The following FGFR2 variants were observed in gnomAD, a reference collection of about 807,000 sequenced individuals.
FGFR2 encodes the protein fibroblast growth factor receptor 2, also known as BEK fibroblast growth factor receptor.
A neutral mutation model predicts 95.9 loss-of-function variants in FGFR2; 19 were observed. The ratio of observed to expected loss-of-function variants is 0.20; its 90% confidence interval spans 0.14 to 0.29. The LOEUF is 0.29. Among genes scored for constraint, FGFR2 ranks in the 10% least tolerant of loss-of-function variants. The pLI is 1.00. For missense variants in FGFR2, 707 were observed against 1,056.9 expected (o/e 0.67, Z 4.59); for synonymous variants, 392 against 393.3 (o/e 1.00, Z 0.04).
intron 6 of FGFR2, 44 bp downstream of exon 6, chr10:121,538,548 A>T: frequency 6.2e-7 from 1 of 1,614,114 alleles, no homozygotes; most frequent in Non-Finnish European, 8.5e-7. Context: ...GTCAAGCAAG[A>T]ATGGGCTGGT....
In FGFR2 at chr10:121,540,525, G is replaced by A. The variant is rs41295499; in HGVS notation, c.625-1810C>T. Among the ~76,000 whole-genome samples, 884 of 152,214 alleles carry A rather than the reference G, an allele frequency of 5.8e-3. 8 individuals are homozygous for A. The highest frequency in any genetic ancestry group is 0.019 in the African/African-American group (804 of 41,532). On this transcript the variant is annotated intron_variant, in intron 5 of 17. Coordinates refer to ENST00000358487, the MANE Select transcript of FGFR2 (RefSeq NM_000141.5). Reference sequence around the variant, plus strand: ...ATCCTGGATCCCTGGGTGCTACAACGGCATCGTTATGCTAAGAGCATGGGA... The same window carrying A: ...ATCCTGGATCCCTGGGTGCTACAACAGCATCGTTATGCTAAGAGCATGGGA...
At chr10:121,480,336 A>C (rs902403658) in intron 17 of FGFR2, 4 of 451,864 alleles carry the variant, frequency 8.9e-6, no homozygotes, top group African/African-American at 5.9e-5. Flanking sequence ...GAGAACAATA[A>C]AACCTAGTTG....
chr10:121,490,017 C>G (rs1282583196), intron 13 of FGFR2, among the ~76,000 whole-genome samples: 1 of 152,230 alleles, frequency 6.6e-6, no homozygotes, highest in Admixed American at 6.5e-5. Flanking sequence ...CTCCTAACAC[C>G]TGGCCTCAGC....
At chr10:121,576,835 G>T (rs1044013782) in intron 2 of FGFR2, among the ~76,000 whole-genome samples, 1 of 151,846 alleles carries the variant, frequency 6.6e-6, no homozygotes, top group Admixed American at 6.6e-5. Flanking sequence ...GGCTGGGGGT[G>T]TTAAAGGTAC....
intron 5 of FGFR2, among the ~76,000 whole-genome samples, chr10:121,545,156 T>C (rs530415809): frequency 1.3e-5 from 2 of 152,096 alleles, no homozygotes; most frequent in Admixed American, 6.5e-5. Flanking sequence ...AACAAACAAA[T>C]AAATAACCCA....
intron 2 of FGFR2, among the ~76,000 whole-genome samples, chr10:121,568,000 T>C (rs74160626): frequency 3.9e-5 from 6 of 152,322 alleles, no homozygotes; most frequent in East Asian, 3.9e-4. Context: ...GGAACTTAGT[T>C]TGAAGGCTCT....
chr10:121,535,447 T>A (rs1440712413), intron 6 of FGFR2, among the ~76,000 whole-genome samples: 1 of 152,228 alleles, frequency 6.6e-6, no homozygotes, highest in African/African-American at 2.4e-5. Context: ...TTCCACGGCA[T>A]AAGCCGCTTT....
At chr10:121,539,169 C>T (rs1853309573) in intron 5 of FGFR2, among the ~76,000 whole-genome samples, 1 of 152,226 alleles carries the variant, frequency 6.6e-6, no homozygotes, top group Non-Finnish European at 1.5e-5. Flanking sequence ...CCAGGCACTG[C>T]TCCAAGCCCT....
chr10:121,579,140 G>A (rs2912778), intron 2 of FGFR2, among the ~76,000 whole-genome samples: 61,704 of 152,096 alleles, frequency 0.41, 14,656 homozygotes, highest in Non-Finnish European at 0.53. Flanking sequence ...TTAGAGAAGA[G>A]AAAAACATCT....
At chr10:121,548,268 TTTTTTTTTTTTG>T in intron 5 of FGFR2, among the ~76,000 whole-genome samples, 2 of 136,068 alleles carry the variant, frequency 1.5e-5, no homozygotes, top group African/African-American at 2.9e-5. Flanking sequence ...TTTTTTTTTT[TTTTTTTTTTTTG>T]GTAAAGCAAA....
At chr10:121,571,006 TGAGACG>T (rs1475011456) in intron 2 of FGFR2, among the ~76,000 whole-genome samples, 3 of 152,052 alleles carry the variant, frequency 2.0e-5, no homozygotes, top group African/African-American at 7.2e-5. Context: ...TTTTTTTTTT[TGAGACG>T]GAGTCTGGCT....
intron 6 of FGFR2, among the ~76,000 whole-genome samples, chr10:121,530,690 A>G (rs191378946): frequency 6.6e-6 from 1 of 152,336 alleles, no homozygotes; most frequent in Non-Finnish European, 1.5e-5. Flanking sequence ...TGAGTAAATG[A>G]GTTTAGAGAG....
chr10:121,579,799 C>A (rs538497993), intron 2 of FGFR2, among the ~76,000 whole-genome samples: 8 of 152,272 alleles, frequency 5.3e-5, no homozygotes, highest in African/African-American at 1.9e-4. Flanking sequence ...GTGCCTCACG[C>A]AGTCCACAGA....
chr10:121,558,510 A>C (rs1856498124), intron 4 of FGFR2, among the ~76,000 whole-genome samples: 1 of 152,210 alleles, frequency 6.6e-6, no homozygotes. Flanking sequence ...TGCCCTGCAC[A>C]TCTGTGATGA....
At chr10:121,483,002 G>A (rs1044002875) in intron 17 of FGFR2, among the ~76,000 whole-genome samples, 2 of 152,108 alleles carry the variant, frequency 1.3e-5, no homozygotes, top group African/African-American at 4.8e-5. Context: ...TCGCCATGTT[G>A]GCCAGGCTGC....
chr10:121,577,179 A>AT (rs67091492), intron 2 of FGFR2, among the ~76,000 whole-genome samples: 1 of 7,408 alleles, frequency 1.3e-4, no homozygotes, highest in African/African-American at 4.2e-4. Context: ...ATATATATAT[A>AT]GAGAGAGAGA....
intron 6 of FGFR2, among the ~76,000 whole-genome samples, chr10:121,529,921 G>A (rs193014880): frequency 6.6e-6 from 1 of 152,262 alleles, no homozygotes; most frequent in Admixed American, 6.5e-5. Context: ...ATCCCAGCTA[G>A]AGAGCTCTGC....
intron 13 of FGFR2, among the ~76,000 whole-genome samples, chr10:121,492,486 C>T (rs1015029384): frequency 1.3e-5 from 2 of 152,158 alleles, no homozygotes; most frequent in Non-Finnish European, 2.9e-5. Flanking sequence ...ATCGGCCCAG[C>T]GCTGAGCACA....
In FGFR2 at chr10:121,569,086, A is replaced by G. The variant is rs955873758; in HGVS notation, c.110-3382T>C. On this transcript the variant is annotated intron_variant, in intron 2 of 17. Coordinates refer to ENST00000358487, the MANE Select transcript of FGFR2 (RefSeq NM_000141.5). Reference sequence around the variant, plus strand: ...GATGAACCTGATCATCAACTACAACATGTCGGGCTAATGACTGTCACTATT... The same window carrying G: ...GATGAACCTGATCATCAACTACAACGTGTCGGGCTAATGACTGTCACTATT... 2.6e-5 allele frequency among the ~76,000 whole-genome samples: 4 copies of G among 152,268 alleles called. 1 individual carries two copies. Among genetic ancestry groups the G allele is most frequent in the Admixed American group, 6.5e-5 (1 of 15,282 alleles).
Sources: allele counts gnomAD v4.1 joint callset (sites outside exome capture counted in the v4.1 genomes callset), GRCh38; gene constraint gnomAD v4.1.1; transcripts MANE v1.5; gene names NCBI Gene and HGNC (gene_info 2026-07-23, HGNC 2026-07-21).